The following CFAP47 variants were observed in gnomAD, a reference collection of about 807,000 sequenced individuals.
CFAP47 encodes the protein cilia- and flagella-associated protein 47.
In CFAP47, 29 loss-of-function variants were observed where a neutral mutation model predicts 148.1. The ratio of observed to expected loss-of-function variants is 0.20; its 90% confidence interval spans 0.15 to 0.27. CFAP47 has a LOEUF of 0.27. Among genes scored for constraint, CFAP47 ranks in the 10% least tolerant of loss-of-function variants. The pLI is 1.00. For synonymous variants in CFAP47, 664 were observed against 577.3 expected (o/e 1.15, Z -2.15); for missense variants, 1,872 against 1,697.5 (o/e 1.10, Z -1.81).
intron 7 of CFAP47, among the ~76,000 whole-genome samples, chrX:35,954,823 T>C (rs1194990719): frequency 8.9e-6 from 1 of 112,108 alleles, no homozygotes; most frequent in Non-Finnish European, 1.9e-5. Flanking sequence ...TGTGCACTTA[T>C]ATCTGTTGGT....
intron 49 of CFAP47, among the ~76,000 whole-genome samples, chrX:36,269,273 A>T (rs868950991): frequency 1.8e-5 from 2 of 112,337 alleles, no homozygotes; most frequent in Non-Finnish European, 3.8e-5. Context: ...AGTGTAGTGA[A>T]TCTAAACAAA....
chrX:35,951,082 G>A (rs1403494097), intron 4 of CFAP47, 49 bp from the exon 5 acceptor site: 1 of 898,282 alleles, frequency 1.1e-6, no homozygotes, highest in Non-Finnish European at 1.6e-6. Context: ...AAAGTATATA[G>A]AATTCTAATT....
At chrX:36,084,215 C>T (rs1325571287) in intron 29 of CFAP47, among the ~76,000 whole-genome samples, 1 of 111,037 alleles carries the variant, frequency 9.0e-6, no homozygotes, top group Admixed American at 9.6e-5. Flanking sequence ...CTGTGTCTTA[C>T]AACTATAATA....
At chrX:36,243,164 T>C (rs782293255) in intron 48 of CFAP47, among the ~76,000 whole-genome samples, 9 of 111,434 alleles carry the variant, frequency 8.1e-5, no homozygotes, top group East Asian at 2.8e-4. Flanking sequence ...TAGATGAGAC[T>C]GACAAGAAGT....
intron 2 of CFAP47, among the ~76,000 whole-genome samples, chrX:35,940,510 G>T (rs948550977): frequency 1.8e-5 from 2 of 111,390 alleles, no homozygotes; most frequent in African/African-American, 6.5e-5. Context: ...GAGGTCAACT[G>T]TCTTTATATG....
intron 48 of CFAP47, 148 bp from the exon 49 acceptor site, chrX:36,251,185 T>C: frequency 3.6e-6 from 1 of 275,638 alleles, no homozygotes; most frequent in Non-Finnish European, 6.4e-6. Context: ...TTGCTGTTTT[T>C]TAAAAAAGTG....
intron 30 of CFAP47, among the ~76,000 whole-genome samples, chrX:36,098,101 C>T (rs1181223643): frequency 8.9e-6 from 1 of 111,968 alleles, no homozygotes; most frequent in African/African-American, 3.2e-5. Flanking sequence ...AAGACTGATG[C>T]ATTCTTTAGT....
chrX:36,184,569 G>T (rs1262770907), intron 40 of CFAP47, among the ~76,000 whole-genome samples: 1 of 111,528 alleles, frequency 9.0e-6, no homozygotes, highest in Non-Finnish European at 1.9e-5. Flanking sequence ...GTTCAGAATT[G>T]CAACCAAAAA....
chrX:35,940,966 A>G (rs1464487812), intron 2 of CFAP47, among the ~76,000 whole-genome samples: 1 of 111,681 alleles, frequency 9.0e-6, no homozygotes, highest in East Asian at 2.8e-4. Context: ...TTTAGACCCT[A>G]AATGATATGT....
At chrX:36,325,223 G>T (rs1225120039) in intron 57 of CFAP47, among the ~76,000 whole-genome samples, 3 of 111,439 alleles carry the variant, frequency 2.7e-5, no homozygotes, top group African/African-American at 9.8e-5. Flanking sequence ...AATGTGCCAG[G>T]AGCTATTTTA....
At chrX:36,178,119 G>T (rs980616827) in intron 39 of CFAP47, among the ~76,000 whole-genome samples, 1 of 111,369 alleles carries the variant, frequency 9.0e-6, no homozygotes, top group Non-Finnish European at 1.9e-5. Context: ...TTTATAAGTG[G>T]GAGCCAAACA....
At chrX:36,345,323 T>C (rs1941688124) in intron 57 of CFAP47, among the ~76,000 whole-genome samples, 1 of 111,553 alleles carries the variant, frequency 9.0e-6, no homozygotes, top group South Asian at 3.8e-4. Context: ...AGAGATGCGG[T>C]ACAGGGTCGG....
intron 1 of CFAP47, among the ~76,000 whole-genome samples, chrX:35,924,505 GTGCACATATATGTGTATATA>G (rs1357888329): frequency 1.5e-4 from 15 of 102,480 alleles, no homozygotes; most frequent in East Asian, 1.3e-3. Flanking sequence ...GTGTATATAG[GTGCACATATATGTGTATATA>G]TGCACATATA....
intron 9 of CFAP47, among the ~76,000 whole-genome samples, chrX:35,967,008 CAT>C (rs1403789943): frequency 9.1e-6 from 1 of 110,189 alleles, no homozygotes; most frequent in Non-Finnish European, 1.9e-5. Context: ...TGTTAAAACA[CAT>C]GTCATTGGCT....
At chrX:36,301,651 C>T (rs1941299950) in intron 53 of CFAP47, among the ~76,000 whole-genome samples, 1 of 110,456 alleles carries the variant, frequency 9.1e-6, no homozygotes, top group Admixed American at 9.8e-5. Context: ...GGTCATGTTA[C>T]TTTGTGTGTC....
At chrX:36,034,047 A>G (rs1262879681) in intron 23 of CFAP47, among the ~76,000 whole-genome samples, 3 of 111,487 alleles carry the variant, frequency 2.7e-5, no homozygotes, top group Non-Finnish European at 5.7e-5. Flanking sequence ...TCTATTCAGA[A>G]ATCAATGGTT....
rs180836083 is a variant in CFAP47 at position 35,942,786 on chromosome X, T to C, written c.517+1388T>C. 5.0e-4 allele frequency among the ~76,000 whole-genome samples: 56 copies of C among 111,994 alleles called. No individual in the cohort carries two copies. The East Asian group carries it at 0.015, about 30-fold the overall frequency. On this transcript the variant is annotated intron_variant, in intron 3 of 63. Coordinates refer to ENST00000378653, the MANE Select transcript of CFAP47 (RefSeq NM_001304548.2). Reference sequence around the variant, plus strand: ...TTTACTTTTCATTGAACATTTAATATAATTTTACTCAATAAATTAGAATAA... The same window carrying C: ...TTTACTTTTCATTGAACATTTAATACAATTTTACTCAATAAATTAGAATAA...
At position 36,194,102 on chromosome X, in the gene CFAP47, A is replaced by G. The variant is rs782493629; in HGVS notation, c.6321+3906A>G. On this transcript the variant is annotated intron_variant, in intron 42 of 63. Coordinates refer to ENST00000378653, the MANE Select transcript of CFAP47 (RefSeq NM_001304548.2). ...AGAATATAGAGAATGACTATATCAC[A>G]TTTTAAAAAGTTTGTATCCTTCAAG... is the stretch of plus-strand genomic sequence containing the variant. 5.0e-3 allele frequency among the ~76,000 whole-genome samples: 555 copies of G among 111,842 alleles called. 1 individual carries two copies. The highest frequency in any genetic ancestry group is 0.017 in the African/African-American group (528 of 30,855).
chrX:36,308,375 A>G (rs1556009260), intron 55 of CFAP47, among the ~76,000 whole-genome samples: 2 of 111,209 alleles, frequency 1.8e-5, no homozygotes, highest in African/African-American at 6.5e-5. Flanking sequence ...TATCAGGTCT[A>G]GACCTCCTCA....
Sources: gnomAD v4.1 joint callset for allele counts (sites outside exome capture counted in the v4.1 genomes callset) on GRCh38, gnomAD v4.1.1 for gene constraint, MANE v1.5 for transcripts, NCBI Gene and HGNC (gene_info 2026-07-23, HGNC 2026-07-21) for gene names.